Variants in DISP1 observed in about 807,000 individuals in gnomAD.
DISP1 encodes the protein dispatched RND transporter family member 1, also known as protein dispatched homolog 1.
A neutral mutation model predicts 37.3 loss-of-function variants in DISP1; 30 were observed. The ratio of observed to expected loss-of-function variants is 0.80; its 90% confidence interval spans 0.60 to 1.09. The LOEUF (loss-of-function observed/expected upper bound fraction) is 1.09. Among genes scored for constraint, DISP1 ranks in the 50% least tolerant of loss-of-function variants. The pLI is 0.00. For missense variants in DISP1, 1,598 were observed against 1,879.5 expected, an observed-to-expected ratio of 0.85 and a Z score of 2.77; for synonymous variants, 634 against 690.2, an observed-to-expected ratio of 0.92 and a Z score of 1.28.
At chr1:222,919,161 T>C (rs2609393) in intron 1 of DISP1, among the ~76,000 whole-genome samples, 87,320 of 152,078 alleles carry the variant, frequency 0.57, 25,316 homozygotes, top group South Asian at 0.71. Context: ...TTGCCTTTCT[T>C]AATTAATTAA....
chr1:222,872,418 G>A (rs552374436), intron 1 of DISP1: 359 of 152,186 alleles, frequency 2.4e-3, no homozygotes, highest in African/African-American at 8.1e-3. Flanking sequence ...TCTGGTCCTG[G>A]ACTTTTTTTG....
intron 3 of DISP1, among the ~76,000 whole-genome samples, chr1:222,968,016 A>G (rs1215113925): frequency 6.6e-6 from 1 of 152,088 alleles, no homozygotes; most frequent in Non-Finnish European, 1.5e-5. Flanking sequence ...CGATCTTTTT[A>G]ATGTATTCTG....
intron 1 of DISP1, among the ~76,000 whole-genome samples, chr1:222,894,166 C>T (rs1009497176): frequency 2.0e-4 from 30 of 152,170 alleles, no homozygotes; most frequent in Middle Eastern, 3.2e-3. Flanking sequence ...CCTAAGTTCT[C>T]ACTCCCGGTG....
At chr1:222,953,686 A>T (rs1350230361) in intron 3 of DISP1, among the ~76,000 whole-genome samples, 1 of 152,200 alleles carries the variant, frequency 6.6e-6, no homozygotes, top group Admixed American at 6.5e-5. Flanking sequence ...TTAACTTTTT[A>T]AAAAGGGATA....
At chr1:222,847,297 T>G (rs34984199) in intron 1 of DISP1, among the ~76,000 whole-genome samples, 30,074 of 152,160 alleles carry the variant, frequency 0.2, 3,563 homozygotes, top group Non-Finnish European at 0.26. Context: ...ACTTTCCCTG[T>G]TCTAGTCCTG....
chr1:222,837,590 A>G (rs1667319264), intron 1 of DISP1, among the ~76,000 whole-genome samples: 1 of 152,214 alleles, frequency 6.6e-6, no homozygotes, highest in Admixed American at 6.5e-5. Context: ...TGTAATGATC[A>G]TGAAAATAGT....
chr1:222,904,569 AT>A lies in DISP1; in HGVS notation c.-158-23857del, dbSNP rs555365219. Among the ~76,000 whole-genome samples the A allele has an allele frequency of 2.5e-3, 364 of 144,582 alleles. 1 individual carries two copies. The highest frequency in any genetic ancestry group is 0.012 in the East Asian group (60 of 4,810). The allele number at this position is 144,582 out of a possible 152,430, so 94.9% of individuals were successfully genotyped here. On this transcript the variant is annotated intron_variant, in intron 1 of 8. Coordinates refer to ENST00000675850, the MANE Select transcript of DISP1 (RefSeq NM_001377229.1). ...AGAGACTCTTTTTTTTTATTTTTTT[AT>A]TTTATTTTTTTTTTTGAGATGAAGT...
intron 3 of DISP1, among the ~76,000 whole-genome samples, chr1:222,967,840 G>A (rs1331396618): frequency 6.6e-6 from 1 of 152,100 alleles, no homozygotes; most frequent in Non-Finnish European, 1.5e-5. Context: ...GCCCCTTCAG[G>A]ATCTTTGTTC....
intron 1 of DISP1, among the ~76,000 whole-genome samples, chr1:222,888,983 A>T (rs375058417): frequency 6.6e-6 from 1 of 152,136 alleles, no homozygotes. Context: ...ATGTATAGTG[A>T]TCAATCTGAT....
At position 222,936,825 on chromosome 1, in the gene DISP1, T is replaced by G. The variant is rs1451754888; in HGVS notation, c.-17-5982T>G. Among the ~76,000 whole-genome samples the G allele has an allele frequency of 4.7e-4, 13 of 27,940 alleles. 1 individual carries two copies. The highest frequency in any genetic ancestry group is 1.4e-3 in the African/African-American group (13 of 8,990). The allele number at this position is 27,940 out of a possible 152,430, so 18.3% of individuals were successfully genotyped here. On this transcript the variant is annotated intron_variant, in intron 2 of 8. Transcript: ENST00000675850. ...TTATATATATAAATTATATATAATA[T>G]ATATAAATTATATATATCATATATA...
intron 1 of DISP1, among the ~76,000 whole-genome samples, chr1:222,839,146 T>C (rs61839602): frequency 0.11 from 17,141 of 152,140 alleles, 1,268 homozygotes; most frequent in South Asian, 0.16. Flanking sequence ...CTGTGTGGCC[T>C]GTTAGGAACT....
At chr1:222,991,423 C>CTA in intron 5 of DISP1, 97 bp from the exon 6 acceptor site, 1 of 1,460,498 alleles carries the variant, frequency 6.8e-7, no homozygotes, top group African/African-American at 1.4e-5. Flanking sequence ...CTGTTGAAAG[C>CTA]TATATATCAC....
At chr1:222,969,555 C>G (rs940366702) in intron 3 of DISP1, among the ~76,000 whole-genome samples, 2 of 151,692 alleles carry the variant, frequency 1.3e-5, no homozygotes, top group Non-Finnish European at 2.9e-5. Flanking sequence ...TCTAACGTAA[C>G]GTAGTAGTAT....
chr1:222,945,198 C>A (rs1674685226), intron 3 of DISP1, among the ~76,000 whole-genome samples: 1 of 152,094 alleles, frequency 6.6e-6, no homozygotes, highest in Admixed American at 6.6e-5. Flanking sequence ...TCCTTCACAG[C>A]ATGTTACTGC....
At position 222,943,132 on chromosome 1, in the gene DISP1, G is replaced by GT. The variant is rs1558345507; in HGVS notation, c.309_310insT (p.Ala104CysfsTer52). ...GCAGTCACCAAGAGTGCCATCCCGA[G>GT]GCTGGCCCTGCAGCACCCTCTGCTT... On this transcript the variant is annotated frameshift_variant, in exon 3 of 9. Transcript: ENST00000675850. LOFTEE classifies it high-confidence loss of function. 2.5e-6 allele frequency: 4 copies of GT among 1,613,332 alleles called. No individual in the cohort carries two copies. In the South Asian group the frequency reaches 3.3e-5, roughly 13 times the overall value.
At chr1:222,867,987 A>C (rs1422471744) in intron 1 of DISP1, among the ~76,000 whole-genome samples, 4 of 152,196 alleles carry the variant, frequency 2.6e-5, no homozygotes, top group African/African-American at 9.6e-5. Context: ...TGGAGCAAAC[A>C]CTTGGAAAGG....
intron 3 of DISP1, among the ~76,000 whole-genome samples, chr1:222,951,427 C>T (rs72742247): frequency 0.18 from 27,974 of 151,970 alleles, 3,065 homozygotes; most frequent in Middle Eastern, 0.3. Flanking sequence ...AGAATTCTAC[C>T]ACCAGAATTC....
intron 3 of DISP1, among the ~76,000 whole-genome samples, chr1:222,971,781 C>T (rs1008133288): frequency 6.6e-6 from 1 of 152,046 alleles, no homozygotes; most frequent in African/African-American, 2.4e-5. Context: ...GAAATGCAAA[C>T]ATATCTTCAC....
At chr1:222,955,756 A>T (rs1171998518) in intron 3 of DISP1, among the ~76,000 whole-genome samples, 1 of 152,218 alleles carries the variant, frequency 6.6e-6, no homozygotes, top group Non-Finnish European at 1.5e-5. Context: ...AAGTAACTGT[A>T]AAGGAGTCAG....
Sources: allele counts gnomAD v4.1 joint callset (sites outside exome capture counted in the v4.1 genomes callset), GRCh38; gene constraint gnomAD v4.1.1; transcripts MANE v1.5; gene names NCBI Gene and HGNC (gene_info 2026-07-23, HGNC 2026-07-21).